The following FMN2 variants were observed in gnomAD, a reference collection of about 807,000 sequenced individuals.
FMN2 encodes formin-2.
Under a neutral mutation model 142.3 loss-of-function variants are expected in FMN2, and 51 were observed. The observed-to-expected ratio is 0.36, with a 90% CI of 0.29 to 0.45. FMN2 has a LOEUF of 0.45. Among genes scored for constraint, FMN2 ranks in the 20% least tolerant of loss-of-function variants. The pLI, the probability that FMN2 is intolerant of heterozygous loss-of-function variation, is 1.00. For missense variants in FMN2, 1,936 were observed against 2,122.8 expected (o/e 0.91, Z 1.73); for synonymous variants, 882 against 869.8 (o/e 1.01, Z -0.25).
At chr1:240,451,552 G>A (rs1257541765) in intron 16 of FMN2, among the ~76,000 whole-genome samples, 2 of 152,046 alleles carry the variant, frequency 1.3e-5, no homozygotes, top group African/African-American at 2.4e-5. Flanking sequence ...TGTTCCCCAG[G>A]AGGAAATGCC....
At chr1:240,349,957 T>TG (rs1413767640) in intron 13 of FMN2, among the ~76,000 whole-genome samples, 1 of 147,448 alleles carries the variant, frequency 6.8e-6, no homozygotes, top group Non-Finnish European at 1.5e-5. Flanking sequence ...GTTCGGTATT[T>TG]TTTTTTTTTA....
chr1:240,128,460 A>G (rs1402539765), intron 2 of FMN2, among the ~76,000 whole-genome samples: 1 of 152,130 alleles, frequency 6.6e-6, no homozygotes, highest in Non-Finnish European at 1.5e-5. Flanking sequence ...GTGATTCTAA[A>G]TCTACTTAAT....
chr1:240,332,110 C>T (rs1326526200), intron 11 of FMN2, among the ~76,000 whole-genome samples: 3 of 152,140 alleles, frequency 2.0e-5, no homozygotes, highest in Non-Finnish European at 4.4e-5. Context: ...GGAATGTGGA[C>T]ACTGCTCTTC....
rs146773538 is a variant in FMN2 at position 240,366,905 on chromosome 1, C to T, written c.4858+10997C>T. On this transcript the variant is annotated intron_variant, in intron 14 of 17. Coordinates refer to ENST00000319653, the MANE Select transcript of FMN2 (RefSeq NM_020066.5). Reference sequence around the variant, plus strand: ...ATACTTATATGAACATTTGTGTTCACAATTCCTGATCCACATCCATACTCC... The same window carrying T: ...ATACTTATATGAACATTTGTGTTCATAATTCCTGATCCACATCCATACTCC... 2.5e-3 allele frequency among the ~76,000 whole-genome samples: 376 copies of T among 152,294 alleles called. 1 individual carries two copies. Among genetic ancestry groups the T allele is most frequent in the African/African-American group, 8.4e-3 (348 of 41,562 alleles).
chr1:240,205,476 T>TTTTTTTTTTTG (rs1405804531), intron 4 of FMN2, among the ~76,000 whole-genome samples: 1 of 147,074 alleles, frequency 6.8e-6, no homozygotes, highest in Non-Finnish European at 1.5e-5. Context: ...TTTTTTTTTT[T>TTTTTTTTTTTG]TTTGAGACGG....
rs1464767660 is a variant in FMN2, at chr1:240,134,827, A to G, written c.1782+11482A>G. On this transcript the variant is annotated intron_variant, in intron 2 of 17. Coordinates refer to ENST00000319653, the MANE Select transcript of FMN2 (RefSeq NM_020066.5). ...CCATTTTACTTAATTTTACTGCTAT[A>G]ATTACCACATTCCTTCACCAACCCT... is the stretch of plus-strand genomic sequence containing the variant. 2.0e-5 allele frequency among the ~76,000 whole-genome samples: 3 copies of G among 152,136 alleles called. No individual in the cohort carries two copies. The East Asian group carries it at 5.8e-4, about 29-fold the overall frequency.
chr1:240,238,576 TAAC>T (rs1261591527), intron 6 of FMN2, among the ~76,000 whole-genome samples: 1 of 152,220 alleles, frequency 6.6e-6, no homozygotes, highest in East Asian at 1.9e-4. Flanking sequence ...AATTTTATCA[TAAC>T]AAGATAAATT....
intron 16 of FMN2, among the ~76,000 whole-genome samples, chr1:240,465,258 TTCTAACC>T (rs926175411): frequency 6.6e-6 from 1 of 151,766 alleles, no homozygotes; most frequent in African/African-American, 2.4e-5. Flanking sequence ...AAGCTGGCTT[TTCTAACC>T]AGCCTTTGTC....
At chr1:240,383,090 C>T (rs745818487) in intron 14 of FMN2, among the ~76,000 whole-genome samples, 1 of 152,090 alleles carries the variant, frequency 6.6e-6, no homozygotes, top group Non-Finnish European at 1.5e-5. Context: ...ACCCCAGTCT[C>T]TCACCATATA....
intron 13 of FMN2, among the ~76,000 whole-genome samples, chr1:240,349,810 C>T (rs1265552045): frequency 6.6e-6 from 1 of 152,178 alleles, no homozygotes; most frequent in Non-Finnish European, 1.5e-5. Flanking sequence ...TGGAATTACT[C>T]GGTTATGCCA....
At chr1:240,443,707 C>T (rs972787522) in intron 16 of FMN2, among the ~76,000 whole-genome samples, 7 of 152,042 alleles carry the variant, frequency 4.6e-5, no homozygotes, top group Admixed American at 1.3e-4. Flanking sequence ...GAGCTGAGAT[C>T]ACGCCACTGC....
chr1:240,317,010 A>G (rs1670805311), intron 8 of FMN2, among the ~76,000 whole-genome samples: 1 of 152,152 alleles, frequency 6.6e-6, no homozygotes, highest in African/African-American at 2.4e-5. Context: ...TATCAGCACA[A>G]TCAAGATGTA....
chr1:240,223,531 A>G (rs1215350776), intron 6 of FMN2, among the ~76,000 whole-genome samples: 3 of 151,824 alleles, frequency 2.0e-5, no homozygotes, highest in Non-Finnish European at 2.9e-5. Context: ...CTCTTTTTCT[A>G]CTGTTTGGAA....
intron 2 of FMN2, 81 bp downstream of exon 2, chr1:240,123,426 C>G (rs1662366527): frequency 3.6e-6 from 5 of 1,396,188 alleles, no homozygotes; most frequent in Non-Finnish European, 4.8e-6. Flanking sequence ...GCCCAGTCAC[C>G]CTATAATTTA....
intron 6 of FMN2, among the ~76,000 whole-genome samples, chr1:240,226,818 A>G (rs1275569067): frequency 6.6e-6 from 1 of 151,784 alleles, no homozygotes; most frequent in Non-Finnish European, 1.5e-5. Context: ...TGACACACAC[A>G]CACACACACA....
intron 8 of FMN2, among the ~76,000 whole-genome samples, chr1:240,298,212 G>C (rs763052960): frequency 3.3e-5 from 5 of 152,056 alleles, no homozygotes; most frequent in Non-Finnish European, 5.9e-5. Flanking sequence ...TTTGTGAGAG[G>C]GTGATTCACA....
chr1:240,147,125 C>T (rs1239645546), intron 2 of FMN2, among the ~76,000 whole-genome samples: 1 of 152,122 alleles, frequency 6.6e-6, no homozygotes, highest in African/African-American at 2.4e-5. Context: ...CCATTCAGTA[C>T]TGACTGAGGG....
intron 14 of FMN2, among the ~76,000 whole-genome samples, chr1:240,389,761 G>A (rs916806615): frequency 1.8e-4 from 27 of 152,076 alleles, no homozygotes; most frequent in African/African-American, 6.3e-4. Context: ...AGACCACCCT[G>A]GGCAACATAG....
At chr1:240,454,906 G>A (rs9442203) in intron 16 of FMN2, among the ~76,000 whole-genome samples, 112,985 of 151,718 alleles carry the variant, frequency 0.74, 42,226 homozygotes, top group Middle Eastern at 0.82. Flanking sequence ...ATGAATGGAC[G>A]GTTGGTTAGA....
Sources: gnomAD v4.1 joint callset for allele counts (sites outside exome capture counted in the v4.1 genomes callset) on GRCh38, gnomAD v4.1.1 for gene constraint, MANE v1.5 for transcripts, NCBI Gene and HGNC (gene_info 2026-07-23, HGNC 2026-07-21) for gene names.